Variants in PPP2R1B observed in about 807,000 individuals in gnomAD.
The protein encoded by PPP2R1B is serine/threonine-protein phosphatase 2A 65 kDa regulatory subunit A beta isoform.
A neutral mutation model predicts 72.7 loss-of-function variants in PPP2R1B; 58 were observed. That is an observed-to-expected ratio of 0.80 (90% CI 0.65 to 0.99). PPP2R1B has a LOEUF of 0.99. PPP2R1B is among the 50% of genes least tolerant of loss of function. The probability of loss-of-function intolerance (pLI) is 0.00; values close to 1 mark genes in which losing one functional copy is unlikely to be tolerated. For missense variants in PPP2R1B, 695 were observed against 733.6 expected (o/e 0.95, Z 0.61); for synonymous variants, 256 against 264.6 (o/e 0.97, Z 0.32).
At chr11:111,755,596 T>C (rs1945082027) in intron 5 of PPP2R1B, 146 bp from the exon 6 acceptor site, 8 of 757,766 alleles carry the variant, frequency 1.1e-5, no homozygotes, top group Admixed American at 3.9e-5. Context: ...TTTTCTTTTT[T>C]TTTTTTTTTT....
intron 3 of PPP2R1B, among the ~76,000 whole-genome samples, chr11:111,764,546 A>C (rs1555052385): frequency 6.6e-6 from 1 of 151,816 alleles, no homozygotes; most frequent in Admixed American, 6.6e-5. Flanking sequence ...AAACAATCAA[A>C]CCCTTTTTCT....
chr11:111,753,603 C>A, intron 8 of PPP2R1B, 26 bp from the exon 9 acceptor site: 2 of 1,587,384 alleles, frequency 1.3e-6, no homozygotes, highest in South Asian at 1.1e-5. Flanking sequence ...AATTAAAAGC[C>A]TTTATTACAA....
downstream of PPP2R1B, among the ~76,000 whole-genome samples, chr11:111,735,485 G>C (rs1035035597): frequency 6.6e-6 from 1 of 152,226 alleles, no homozygotes; most frequent in Middle Eastern, 3.2e-3. Flanking sequence ...TCCCGTCCAG[G>C]AGTGAGCCGC....
the PPP2R1B span, among the ~76,000 whole-genome samples, chr11:111,698,871 C>G: frequency 6.6e-6 from 1 of 152,216 alleles, no homozygotes; most frequent in Non-Finnish European, 1.5e-5. Flanking sequence ...GCTTCTTGTG[C>G]TGCTTTATCC....
At chr11:111,757,835 CAAAAAAAAAA>C (rs1334506925) in intron 5 of PPP2R1B, among the ~76,000 whole-genome samples, 1 of 103,056 alleles carries the variant, frequency 9.7e-6, no homozygotes, top group African/African-American at 3.3e-5. Flanking sequence ...AACTCCATCT[CAAAAAAAAAA>C]AAAAAAAAAT....
chr11:111,747,776 C>A lies in PPP2R1B; in HGVS notation c.1399+178G>T, dbSNP rs551146818. Among the ~76,000 whole-genome samples, 3 of 151,982 alleles carry A rather than the reference C, an allele frequency of 2.0e-5. No homozygotes were observed. In the Middle Eastern group the frequency reaches 9.5e-3, roughly 481 times the overall value. On this transcript the variant is annotated intron_variant, in intron 11 of 14. Coordinates refer to ENST00000527614, the MANE Select transcript of PPP2R1B (RefSeq NM_002716.5). Reference sequence around the variant, plus strand: ...AATGGAGAAAATAAAATCGAAGATACAAAAAATTGGTAGAAACGTCAAATT... The same window carrying A: ...AATGGAGAAAATAAAATCGAAGATAAAAAAAATTGGTAGAAACGTCAAATT...
chr11:111,701,696 G>A, the PPP2R1B span: 2 of 1,290,212 alleles, frequency 1.6e-6, no homozygotes, highest in East Asian at 4.9e-5. The surrounding 1 kb of genome is among the most constrained non-coding windows in gnomAD (Gnocchi z 4.2). Flanking sequence ...CTGAGCTGTA[G>A]GTTAAAAGCT....
chr11:111,688,180 G>A, the PPP2R1B span: 1 of 1,613,840 alleles, frequency 6.2e-7, no homozygotes, highest in Non-Finnish European at 8.5e-7. The surrounding 1 kb of genome is among the most constrained non-coding windows in gnomAD (Gnocchi z 4.2). Flanking sequence ...GGACACAACT[G>A]GCTCTAATAA....
chr11:111,739,482 G>GGT lies in PPP2R1B; in HGVS notation c.*2113_*2114insAC. On this transcript the variant is annotated 3_prime_UTR_variant, in exon 15 of 15. Coordinates refer to ENST00000527614, the MANE Select transcript of PPP2R1B (RefSeq NM_002716.5). Reference sequence around the variant, plus strand: ...AGAAGGAAACAATGAAACCCCTGAGGGGTCACCACAAAAGACAGAGGCCCC... The same window carrying GGT: ...AGAAGGAAACAATGAAACCCCTGAGGGTGGTCACCACAAAAGACAGAGGCCCC... 4.1e-6 allele frequency: 4 copies of GGT among 985,366 alleles called. No individual in the cohort carries two copies. The highest frequency in any genetic ancestry group is 4.8e-6 in the Non-Finnish European group (4 of 829,930). 61.0% of individuals were successfully genotyped at this position (985,366 alleles called of 1,614,324 possible).
chr11:111,701,855 G>A, the PPP2R1B span, among the ~76,000 whole-genome samples: 2 of 152,032 alleles, frequency 1.3e-5, no homozygotes, highest in African/African-American at 2.4e-5. This position sits in a 1 kb window ranked among gnomAD's most constrained non-coding sequence, Gnocchi z 4.2. Flanking sequence ...TAGATTTAAC[G>A]AAGCCCTTTG....
the PPP2R1B span, among the ~76,000 whole-genome samples, chr11:111,703,808 T>C: frequency 6.6e-6 from 1 of 152,066 alleles, no homozygotes; most frequent in South Asian, 2.1e-4. Context: ...GAAGGGTAGG[T>C]ATCAGGTTTA....
chr11:111,743,539 G>A lies in PPP2R1B; in HGVS notation c.1400-9C>T. The A allele has an allele frequency of 6.2e-7, 1 of 1,600,366 alleles. No homozygotes were observed. Among genetic ancestry groups the A allele is most frequent in the Admixed American group, 1.8e-5 (1 of 55,192 alleles). On this transcript the variant is annotated splice_polypyrimidine_tract_variant and intron_variant, in intron 11 of 14. Coordinates refer to ENST00000527614, the MANE Select transcript of PPP2R1B (RefSeq NM_002716.5). ...TTCTCGGATGGCGTATACTGCAGAA[G>A]AGGTCAAAAACATGTTCTCATATCG...
At chr11:111,734,793 A>C (rs1376196398), downstream of PPP2R1B, among the ~76,000 whole-genome samples, 1 of 152,190 alleles carries the variant, frequency 6.6e-6, no homozygotes, top group Non-Finnish European at 1.5e-5. Flanking sequence ...ACACACTCCC[A>C]GCAGAGCTCC....
the PPP2R1B span, among the ~76,000 whole-genome samples, chr11:111,705,512 A>G: frequency 2.0e-5 from 3 of 152,234 alleles, no homozygotes; most frequent in Admixed American, 6.5e-5. This position sits in a 1 kb window ranked among gnomAD's most constrained non-coding sequence, Gnocchi z 4.3. Flanking sequence ...ACATCGCGCT[A>G]TAAAAATGAA....
At chr11:111,701,361 A>G in the PPP2R1B span, 153 of 1,482,454 alleles carry the variant, frequency 1.0e-4, no homozygotes, top group Non-Finnish European at 1.3e-4. This position sits in a 1 kb window ranked among gnomAD's most constrained non-coding sequence, Gnocchi z 4.2. Context: ...TTTTCAGTCC[A>G]TATGATTTCA....
At position 111,738,239 on chromosome 11, in the gene PPP2R1B, A is replaced by G. The variant is rs568370800; in HGVS notation, c.*3357T>C. 5.1e-6 allele frequency: 5 copies of G among 985,544 alleles called. No individual in the cohort carries two copies. In the South Asian group the frequency reaches 2.3e-4, roughly 46 times the overall value. The allele number at this position is 985,544 out of a possible 1,614,324, so 61.0% of individuals were successfully genotyped here. ...AGGGCCTCTCCCTCTACAGTTTCAT[A>G]TCCAAGCAGTGGAGAAAAATAAGAA... On this transcript the variant is annotated 3_prime_UTR_variant, in exon 15 of 15. Coordinates refer to ENST00000527614, the MANE Select transcript of PPP2R1B (RefSeq NM_002716.5).
intron 8 of PPP2R1B, among the ~76,000 whole-genome samples, chr11:111,753,949 C>T (rs1272051189): frequency 3.3e-5 from 5 of 151,750 alleles, no homozygotes; most frequent in Non-Finnish European, 7.4e-5. Flanking sequence ...CAGTGTCTCA[C>T]CCTGTCACCT....
At chr11:111,765,412 C>T (rs1555052741) in intron 1 of PPP2R1B, 28 bp from the exon 2 acceptor site, 2 of 1,559,060 alleles carry the variant, frequency 1.3e-6, no homozygotes, top group East Asian at 2.2e-5. Flanking sequence ...GAAAGAAGAA[C>T]AATGTAAAGA....
downstream of PPP2R1B, chr11:111,723,649 G>C (rs200450249): frequency 9.9e-6 from 16 of 1,613,952 alleles, no homozygotes; most frequent in Non-Finnish European, 1.4e-5. Context: ...AGGCCCCACC[G>C]TTCAGCCTGA....
Sources: gnomAD v4.1 joint callset for allele counts (sites outside exome capture counted in the v4.1 genomes callset) on GRCh38, gnomAD v4.1.1 for gene constraint, Gnocchi (gnomAD v3.1) non-coding constraint, MANE v1.5 for transcripts, NCBI Gene and HGNC (gene_info 2026-07-23, HGNC 2026-07-21) for gene names.